The following LARGE1 variants were observed in gnomAD, a reference collection of about 807,000 sequenced individuals.
LARGE1 encodes the protein LARGE xylosyl- and glucuronyltransferase 1.
Under a neutral mutation model 87.6 loss-of-function variants are expected in LARGE1, and 43 were observed. The observed-to-expected ratio is 0.49, with a 90% CI of 0.38 to 0.63. The LOEUF (loss-of-function observed/expected upper bound fraction) is 0.63. Among genes scored for constraint, LARGE1 ranks in the 30% least tolerant of loss-of-function variants. The pLI is 0.00. For missense variants in LARGE1, 802 were observed against 1,000.2 expected (o/e 0.80, Z 2.67); for synonymous variants, 434 against 394.6 (o/e 1.10, Z -1.18).
intron 11 of LARGE1, among the ~76,000 whole-genome samples, chr22:33,231,691 G>T (rs146818891): frequency 6.6e-6 from 1 of 152,096 alleles, no homozygotes; most frequent in African/African-American, 2.4e-5. Context: ...GAGAAACTAC[G>T]AAGACTAATC....
chr22:33,899,557 C>A (rs1227736474), intron 1 of LARGE1, among the ~76,000 whole-genome samples: 4 of 152,176 alleles, frequency 2.6e-5, no homozygotes, highest in African/African-American at 9.7e-5. Flanking sequence ...AATCTGCTCA[C>A]AATGAACCAA....
At chr22:33,190,603 A>G (rs1230925429) in intron 11 of LARGE1, among the ~76,000 whole-genome samples, 1 of 152,160 alleles carries the variant, frequency 6.6e-6, no homozygotes, top group Non-Finnish European at 1.5e-5. Flanking sequence ...AATGGAACTG[A>G]GTATTATAAA....
chr22:33,820,416 G>A (rs562054681), intron 1 of LARGE1, among the ~76,000 whole-genome samples: 1 of 152,074 alleles, frequency 6.6e-6, no homozygotes, highest in South Asian at 2.1e-4. Flanking sequence ...CAAACTCGGG[G>A]GCTCAACAGA....
chr22:33,721,195 TGGA>T (rs1239828880), intron 2 of LARGE1, among the ~76,000 whole-genome samples: 1 of 152,196 alleles, frequency 6.6e-6, no homozygotes, highest in Admixed American at 6.5e-5. Context: ...CCAGGTATTG[TGGA>T]GGAGAAGAGG....
At chr22:33,886,124 C>T (rs1351197178) in intron 1 of LARGE1, among the ~76,000 whole-genome samples, 2 of 152,186 alleles carry the variant, frequency 1.3e-5, no homozygotes, top group Non-Finnish European at 2.9e-5. Flanking sequence ...GGTAACCACG[C>T]AGCCAAGCTG....
At chr22:33,559,963 C>A (rs1466606943) in intron 6 of LARGE1, among the ~76,000 whole-genome samples, 1 of 152,166 alleles carries the variant, frequency 6.6e-6, no homozygotes, top group East Asian at 1.9e-4. Flanking sequence ...ACTTTGAGTT[C>A]TTTCACGAAT....
At chr22:33,160,857 G>A (rs1921999369), downstream of LARGE1, among the ~76,000 whole-genome samples, 1 of 152,238 alleles carries the variant, frequency 6.6e-6, no homozygotes, top group South Asian at 2.1e-4. Flanking sequence ...AAGGGAAGTT[G>A]GCCTGGGCCA....
intron 5 of LARGE1, among the ~76,000 whole-genome samples, chr22:33,592,102 G>T (rs2148923151): frequency 1.1e-5 from 1 of 89,426 alleles, no homozygotes; most frequent in East Asian, 3.9e-4. Context: ...GGAGGGGAGG[G>T]AAGGGGGACA....
chr22:33,643,061 C>T lies in LARGE1; in HGVS notation c.408+7306G>A, dbSNP rs117350400. Among the ~76,000 whole-genome samples, 757 of 152,260 alleles carry T rather than the reference C, an allele frequency of 5.0e-3. 2 individuals carry two copies. Among genetic ancestry groups the T allele is most frequent in the Non-Finnish European group, 7.1e-3 (480 of 68,020 alleles). ...ACCAAGTGGACTTAATAAATATCTA[C>T]GGAACTCCCCACCCCAAATCAACAG... is the stretch of plus-strand genomic sequence containing the variant. On this transcript the variant is annotated intron_variant, in intron 3 of 14. Transcript: ENST00000397394.
chr22:33,137,822 T>G, the LARGE1 span, among the ~76,000 whole-genome samples: 1 of 152,196 alleles, frequency 6.6e-6, no homozygotes, highest in Admixed American at 6.5e-5. Context: ...GAATTGAGGT[T>G]TGGGAACCTC....
At chr22:33,193,997 TA>T (rs920529933) in intron 11 of LARGE1, among the ~76,000 whole-genome samples, 14 of 148,106 alleles carry the variant, frequency 9.5e-5, no homozygotes, top group African/African-American at 2.5e-4. Context: ...TACATATATA[TA>T]AAAACATAGA....
chr22:33,676,678 C>A (rs776327350), intron 2 of LARGE1, among the ~76,000 whole-genome samples: 6 of 151,724 alleles, frequency 4.0e-5, no homozygotes, highest in Non-Finnish European at 5.9e-5. Flanking sequence ...CTGTAAGATC[C>A]TTGAACAGGG....
chr22:33,755,639 G>A (rs531368257), intron 2 of LARGE1, among the ~76,000 whole-genome samples: 17 of 152,222 alleles, frequency 1.1e-4, no homozygotes, highest in African/African-American at 2.9e-4. Context: ...CTCCAGTCCC[G>A]GAATTAACAT....
intron 1 of LARGE1, among the ~76,000 whole-genome samples, chr22:33,784,686 T>A (rs1037698559): frequency 3.9e-5 from 6 of 152,096 alleles, no homozygotes; most frequent in African/African-American, 1.2e-4. Flanking sequence ...GGTACTAATA[T>A]GCACAAAATG....
At chr22:33,623,770 C>A (rs1388291114) in intron 4 of LARGE1, among the ~76,000 whole-genome samples, 1 of 151,676 alleles carries the variant, frequency 6.6e-6, no homozygotes, top group Non-Finnish European at 1.5e-5. Context: ...GTGGCTCACA[C>A]CTGTAATCCC....
At chr22:33,203,033 A>G (rs1924475948) in intron 11 of LARGE1, among the ~76,000 whole-genome samples, 1 of 151,992 alleles carries the variant, frequency 6.6e-6, no homozygotes, top group African/African-American at 2.4e-5. Flanking sequence ...GAAGTTTGAC[A>G]GGCAAGATAG....
At position 33,273,351 on chromosome 22, in the gene LARGE1, C is replaced by A; in HGVS notation, c.*1076G>T. On this transcript the variant is annotated 3_prime_UTR_variant, in exon 15 of 15. Coordinates refer to ENST00000397394, the MANE Select transcript of LARGE1 (RefSeq NM_133642.5). ...CATCCACAGTGAAGCAGGCAAGAAC[C>A]AGAGGAACCCAATCACTTTCTTCCT... 2.5e-6 allele frequency: 1 copy of A among 398,766 alleles called. No homozygotes were observed. The highest frequency in any genetic ancestry group is 4.4e-6 in the Non-Finnish European group (1 of 226,062). 24.7% of individuals were successfully genotyped at this position (398,766 alleles called of 1,614,324 possible). A position where few individuals can be genotyped will look rare whatever the true frequency, so the allele number is the denominator to read the frequency against.
chr22:33,407,639 T>C (rs1341077898), intron 7 of LARGE1, among the ~76,000 whole-genome samples: 1 of 151,966 alleles, frequency 6.6e-6, no homozygotes, highest in Non-Finnish European at 1.5e-5. Context: ...TAAGAACATG[T>C]TATTATTCCT....
chr22:33,763,454 A>T (rs1174983693), intron 1 of LARGE1, among the ~76,000 whole-genome samples: 1 of 152,234 alleles, frequency 6.6e-6, no homozygotes, highest in African/African-American at 2.4e-5. Flanking sequence ...CTTGAAAAAA[A>T]GTCCCCTCTA....
Sources: allele counts gnomAD v4.1 joint callset (sites outside exome capture counted in the v4.1 genomes callset), GRCh38; gene constraint gnomAD v4.1.1; transcripts MANE v1.5; gene names NCBI Gene and HGNC (gene_info 2026-07-23, HGNC 2026-07-21).